CACNA1H: variants seen among roughly 807,000 people sequenced by gnomAD.
The protein encoded by CACNA1H is calcium voltage-gated channel subunit alpha1 H.
Under a neutral mutation model 192.5 loss-of-function variants are expected in CACNA1H, and 149 were observed. The ratio of observed to expected loss-of-function variants is 0.77; its 90% CI spans 0.68 to 0.89. CACNA1H has a LOEUF of 0.89. Ranked by LOEUF, CACNA1H falls within the 40% of genes least tolerant of loss-of-function variation. The pLI is 0.00. For missense variants in CACNA1H, 4,257 were observed against 3,423.5 expected, an observed-to-expected ratio of 1.24 and a Z score of -6.08; for synonymous variants, 2,202 against 1,475.2, an observed-to-expected ratio of 1.49 and a Z score of -11.29.
chr16:1,161,918 C>T (rs569785140), intron 2 of CACNA1H, among the ~76,000 whole-genome samples: 178 of 152,186 alleles, frequency 1.2e-3, no homozygotes, highest in Non-Finnish European at 2.3e-3. Context: ...GCAGGCAAGG[C>T]TCGGGGCAGA....
At position 1,156,721 on chromosome 16, in the gene CACNA1H, C is replaced by T. The variant is rs367574212; in HGVS notation, c.299+2685C>T. 5.8e-3 allele frequency among the ~76,000 whole-genome samples: 879 copies of T among 152,112 alleles called. 7 individuals carry two copies. Among genetic ancestry groups the T allele is most frequent in the African/African-American group, 0.02 (831 of 41,476 alleles). On this transcript the variant is annotated intron_variant, in intron 2 of 34. Transcript: ENST00000348261. Reference sequence around the variant, plus strand: ...ACTCAGTAAAGTGACTCCATGCTCCCGGGGGTTGGCAGAGCCCCAGCTGCT... The same window carrying T: ...ACTCAGTAAAGTGACTCCATGCTCCTGGGGGTTGGCAGAGCCCCAGCTGCT...
chr16:1,211,485 T>C lies in CACNA1H; in HGVS notation c.4355T>C (p.Phe1452Ser). The C allele has an allele frequency of 6.2e-7, 1 of 1,612,386 alleles. No individual in the cohort carries two copies. The highest frequency in any genetic ancestry group is 8.5e-7 in the Non-Finnish European group (1 of 1,179,686). Residue 1452 changes from phenylalanine to serine, a missense_variant, in exon 23 of 35, where the codon TTC becomes TCC. Coordinates refer to ENST00000348261, the MANE Select transcript of CACNA1H (RefSeq NM_021098.3). ...IIFGILGVQL[F>S]KGKFYYCEGP... ...GTGACCGTCGCACCCCGTCAGCTCT[T>C]CAAAGGGAAGTTCTACTACTGCGAG...
chr16:1,182,645 C>T (rs1365334955), intron 2 of CACNA1H, among the ~76,000 whole-genome samples: 1 of 152,152 alleles, frequency 6.6e-6, no homozygotes, highest in Non-Finnish European at 1.5e-5. Context: ...ACATCGGGGG[C>T]CTGGCTGGGG....
chr16:1,214,870 C>T, intron 27 of CACNA1H, 102 bp from the exon 28 acceptor site: 1 of 844,836 alleles, frequency 1.2e-6, no homozygotes, highest in Admixed American at 2.0e-5. Flanking sequence ...CTGGGAGCCT[C>T]CAGGGCCGGC....
In CACNA1H at chr16:1,215,332, C is replaced by T; in HGVS notation, c.5130C>T (p.Asn1710=). The change falls in exon 29 of 35, where the codon AAC becomes AAT. Residue 1710 remains asparagine, a synonymous_variant. Transcript: ENST00000348261. ...AGATGAGCGCCGCGCTGCCCATCAACCCCACCATCATCCGCATCATGCGCG... is the reference window on the plus strand; with the variant it reads ...AGATGAGCGCCGCGCTGCCCATCAATCCCACCATCATCCGCATCATGCGCG... ...EIEMSAALPI[N]PTIIRIMRVL... The T allele has an allele frequency of 6.2e-7, 1 of 1,611,984 alleles. No individual in the cohort carries two copies. The highest frequency in any genetic ancestry group is 8.5e-7 in the Non-Finnish European group (1 of 1,179,428).
At chr16:1,166,265 C>A (rs938195293) in intron 2 of CACNA1H, among the ~76,000 whole-genome samples, 1 of 152,186 alleles carries the variant, frequency 6.6e-6, no homozygotes, top group Non-Finnish European at 1.5e-5. Flanking sequence ...ACTGGCTGCT[C>A]CATTTGTCTG....
chr16:1,162,267 C>T (rs545165723), intron 2 of CACNA1H, among the ~76,000 whole-genome samples: 1 of 152,136 alleles, frequency 6.6e-6, no homozygotes, highest in Non-Finnish European at 1.5e-5. Context: ...GTTACAGCTG[C>T]CTCCTGCCAG....
intron 2 of CACNA1H, among the ~76,000 whole-genome samples, chr16:1,155,646 C>A (rs147261277): frequency 1.3e-5 from 2 of 151,842 alleles, no homozygotes; most frequent in Admixed American, 1.3e-4. Flanking sequence ...GCCCCATCCC[C>A]AAGCAGGGCA....
At chr16:1,183,602 C>T (rs1053711153) in intron 2 of CACNA1H, among the ~76,000 whole-genome samples, 1 of 152,260 alleles carries the variant, frequency 6.6e-6, no homozygotes, top group African/African-American at 2.4e-5. Flanking sequence ...GGACACGTGC[C>T]TGTCGTGGCA....
Position 1,204,097 on chromosome 16 carries a change from T to C in CACNA1H, c.2090T>C (p.Leu697Pro). The change falls in exon 10 of 35, where the codon CTG (leucine) becomes CCG (proline). Residue 697 changes from leucine to proline, a missense_variant. Transcript: ENST00000348261. ...CCAGCGGGCACACTGACCTGTGAGC[T>C]GAAGAGCTGCCCGTACTGCACCCGT... The part of the protein sequence containing the change: ...SPPAGTLTCE[L>P]KSCPYCTRAL... 1 of 1,610,404 alleles carries C rather than the reference T, an allele frequency of 6.2e-7. No homozygotes were observed. The highest frequency in any genetic ancestry group is 8.5e-7 in the Non-Finnish European group (1 of 1,179,040).
chr16:1,184,773 C>T (rs973770278), intron 2 of CACNA1H, among the ~76,000 whole-genome samples: 1 of 152,242 alleles, frequency 6.6e-6, no homozygotes, highest in Non-Finnish European at 1.5e-5. Flanking sequence ...CAAAGGGCGC[C>T]TTCAGTGGCG....
At position 1,219,035 on chromosome 16, in the gene CACNA1H, G is replaced by T. The variant is rs1045318582; in HGVS notation, c.5953G>T (p.Val1985Leu). ...TGCCTCCCTCCAGATCCCATTGGCT[G>T]TGTCGTCCCCAGCCAGGAGCGGCGA... is the stretch of plus-strand genomic sequence containing the variant. ...SCASLQIPLA[V>L]SSPARSGEPL... Residue 1985 changes from valine to leucine, a missense_variant, in exon 34 of 35, where the codon GTG becomes TTG. Transcript: ENST00000348261. 1 of 1,549,980 alleles carries T rather than the reference G, an allele frequency of 6.5e-7. No individual in the cohort carries two copies. Among genetic ancestry groups the T allele is most frequent in the Non-Finnish European group, 8.7e-7 (1 of 1,146,698 alleles).
At chr16:1,162,641 G>C (rs1401079780) in intron 2 of CACNA1H, among the ~76,000 whole-genome samples, 3 of 122,660 alleles carry the variant, frequency 2.4e-5, no homozygotes, top group East Asian at 2.0e-4. Context: ...ACCTGGAGTG[G>C]GGGGGGGGGG....
At chr16:1,209,707 C>T (rs111542218) in intron 17 of CACNA1H, among the ~76,000 whole-genome samples, 8 of 152,162 alleles carry the variant, frequency 5.3e-5, no homozygotes, top group Non-Finnish European at 7.4e-5. Flanking sequence ...GAGCTGCTGC[C>T]GAGGCAGGGC....
At chr16:1,213,035 G>A (rs1969643005) in intron 26 of CACNA1H, among the ~76,000 whole-genome samples, 1 of 152,224 alleles carries the variant, frequency 6.6e-6, no homozygotes, top group Non-Finnish European at 1.5e-5. Context: ...CTTCACCCGC[G>A]GGAGCTCCTC....
intron 32 of CACNA1H, 73 bp downstream of exon 32, chr16:1,218,113 G>C (rs1486229879): frequency 1.9e-6 from 3 of 1,549,802 alleles, no homozygotes; most frequent in Non-Finnish European, 2.6e-6. Context: ...GAACGGGTCG[G>C]ATCCGTCCTT....
At position 1,202,049 on chromosome 16, in the gene CACNA1H, T is replaced by C. The variant is rs1249256106; in HGVS notation, c.1599T>C (p.His533=). The C allele has an allele frequency of 2.6e-6, 4 of 1,538,128 alleles. No individual in the cohort carries two copies. Among genetic ancestry groups the C allele is most frequent in the South Asian group, 1.2e-5 (1 of 83,888 alleles). ...ACCACCACCACTACCATTTCAGCCA[T>C]GGCAGCCCCCGCAGGCCCGGCCCCG... ...HHHHHHYHFS[H]GSPRRPGPEP... Residue 533 remains histidine (H), a synonymous_variant, in exon 9 of 35, where the codon CAT becomes CAC. Transcript: ENST00000348261.
At position 1,189,082 on chromosome 16, in the gene CACNA1H, C is replaced by A. The variant is rs184509945; in HGVS notation, c.300-5890C>A. On this transcript the variant is annotated intron_variant, in intron 2 of 34. Coordinates refer to ENST00000348261, the MANE Select transcript of CACNA1H (RefSeq NM_021098.3). Reference sequence around the variant, plus strand: ...ATGTGGGAAGGGGAGCGCTTACTGCCGCAGAAAGGAGGCTGGGGGGCTGCC... The same window carrying A: ...ATGTGGGAAGGGGAGCGCTTACTGCAGCAGAAAGGAGGCTGGGGGGCTGCC... Among the ~76,000 whole-genome samples, 4 of 152,318 alleles carry A rather than the reference C, an allele frequency of 2.6e-5. No individual in the cohort carries two copies. The South Asian group carries it at 8.3e-4, about 32-fold the overall frequency.
intron 4 of CACNA1H, 42 bp downstream of exon 4, chr16:1,195,607 C>A (rs1231656418): frequency 6.4e-7 from 1 of 1,562,342 alleles, no homozygotes; most frequent in Non-Finnish European, 8.7e-7. Context: ...GGCGAAGGGG[C>A]CCCGCCCACC....
Sources: gnomAD v4.1 joint callset for allele counts (sites outside exome capture counted in the v4.1 genomes callset) on GRCh38, gnomAD v4.1.1 for gene constraint, MANE v1.5 for transcripts, NCBI Gene and HGNC (gene_info 2026-07-23, HGNC 2026-07-21) for gene names.